ENO1: variants seen among roughly 807,000 people sequenced by gnomAD.
The protein encoded by ENO1 is alpha-enolase.
A neutral mutation model predicts 46.3 loss-of-function variants in ENO1; 33 were observed. That is an observed-to-expected ratio of 0.71 (90% CI 0.54 to 0.95). The LOEUF (loss-of-function observed/expected upper bound fraction) is 0.95, where lower values mean the gene tolerates loss of function less well. ENO1 is among the 40% of genes least tolerant of loss of function. The pLI is 0.00. For missense variants in ENO1, 488 were observed against 553.3 expected, an observed-to-expected ratio of 0.88 and a Z score of 1.18; for synonymous variants, 220 against 216.0, an observed-to-expected ratio of 1.02 and a Z score of -0.16.
intron 4 of ENO1, among the ~76,000 whole-genome samples, chr1:8,869,732 G>C (rs1420430426): frequency 6.6e-6 from 1 of 152,108 alleles, no homozygotes; most frequent in Admixed American, 6.6e-5. Context: ...GCCAATTTTT[G>C]TACTTTTAGT....
chr1:8,867,093 G>A, intron 6 of ENO1, 24 bp downstream of exon 6: 1 of 1,606,902 alleles, frequency 6.2e-7, no homozygotes, highest in Non-Finnish European at 8.5e-7. Context: ...CTCCTTGCTT[G>A]GGAAGTTCCA....
At chr1:8,870,253 T>C in intron 4 of ENO1, 199 bp downstream of exon 4, 1 of 609,644 alleles carries the variant, frequency 1.6e-6, no homozygotes, top group Non-Finnish European at 2.8e-6. Flanking sequence ...CTGATGCAAT[T>C]CCATCTGCTC....
intron 2 of ENO1, among the ~76,000 whole-genome samples, chr1:8,872,391 T>TA (rs925516420): frequency 6.6e-6 from 1 of 151,148 alleles, no homozygotes; most frequent in African/African-American, 2.4e-5. Flanking sequence ...CTGGTACTTT[T>TA]TTTTTCTTTT....
At position 8,871,289 on chromosome 1, in the gene ENO1, C is replaced by T. The variant is rs116393409; in HGVS notation, c.181+602G>A. ...CCCCACTGAGAATGCGTGATCTAGC[C>T]CTATGTGCTTTTCTGTAATTTGGCC... is the stretch of plus-strand genomic sequence containing the variant. On this transcript the variant is annotated intron_variant, in intron 3 of 11. Coordinates refer to ENST00000234590, the MANE Select transcript of ENO1 (RefSeq NM_001428.5). 1.9e-4 allele frequency: 190 copies of T among 999,258 alleles called. No individual in the cohort carries two copies. In the African/African-American group the frequency reaches 3.1e-3, roughly 17 times the overall value. The allele number at this position is 999,258 out of a possible 1,614,324, so 61.9% of individuals were successfully genotyped here. A position where few individuals can be genotyped will look rare whatever the true frequency, so the allele number is the denominator to read the frequency against.
chr1:8,873,393 T>C (rs543731776), intron 2 of ENO1, among the ~76,000 whole-genome samples: 1 of 152,364 alleles, frequency 6.6e-6, no homozygotes, highest in African/African-American at 2.4e-5. Context: ...TTTCATGTTT[T>C]TTGAAAAGGA....
At chr1:8,863,023 A>G (rs1642437420) in intron 10 of ENO1, 78 bp from the exon 11 acceptor site, 1 of 1,561,032 alleles carries the variant, frequency 6.4e-7, no homozygotes, top group Middle Eastern at 1.7e-4. Flanking sequence ...GTGTGGTGTC[A>G]GAGAGAGAAT....
chr1:8,863,112 C>T, intron 10 of ENO1, 123 bp downstream of exon 10: 1 of 1,369,120 alleles, frequency 7.3e-7, no homozygotes, highest in Non-Finnish European at 1.0e-6. Flanking sequence ...TGTTCAGCCT[C>T]AGAAACAAGA....
intron 1 of ENO1, among the ~76,000 whole-genome samples, chr1:8,875,398 C>T (rs558703202): frequency 6.6e-6 from 1 of 151,908 alleles, no homozygotes; most frequent in Non-Finnish European, 1.5e-5. Flanking sequence ...TTGCTCGACG[C>T]AGAGTGGCCC....
At chr1:8,872,873 G>C (rs115579221) in intron 2 of ENO1, among the ~76,000 whole-genome samples, 1 of 152,184 alleles carries the variant, frequency 6.6e-6, no homozygotes, top group East Asian at 1.9e-4. Flanking sequence ...TTTAATAAAT[G>C]TAAGAACTGA....
chr1:8,869,661 G>A (rs992437130), intron 4 of ENO1, among the ~76,000 whole-genome samples: 1 of 152,190 alleles, frequency 6.6e-6, no homozygotes, highest in Admixed American at 6.5e-5. Flanking sequence ...CCAGCTTCAA[G>A]CGATTCTCAT....
At position 8,863,045 on chromosome 1, in the gene ENO1, C is replaced by G. The variant is rs1321890003; in HGVS notation, c.1177-100G>C. The G allele has an allele frequency of 5.4e-6, 8 of 1,485,922 alleles. No homozygotes were observed. The African/African-American group carries it at 9.7e-5, about 18-fold the overall frequency. The allele number at this position is 1,485,922 out of a possible 1,614,324, so 92.0% of individuals were successfully genotyped here. On this transcript the variant is annotated intron_variant, in intron 10 of 11. Transcript: ENST00000234590. ...GTCAGAGAGAGAATTTCTAGAGGAT[C>G]TGATGCTAGGAAAGTGGGGGCCACA...
At position 8,863,242 on chromosome 1, in the gene ENO1, G is replaced by C. The variant is rs1642441451; in HGVS notation, c.1169C>G (p.Thr390Ser). The part of the protein sequence containing the change: ...FIADLVVGLC[T>S]GQIKTGAPCR... ...GGAGACGCTCATTCTTACCTGCCCA[G>C]TGCACAGCCCCACAACCAGGTCAGC... is the stretch of plus-strand genomic sequence containing the variant. The change falls in exon 10 of 12, where the codon ACT becomes AGT. Residue 390 changes from threonine to serine, a missense_variant. By Grantham distance (58) the Thr-to-Ser change is moderately conservative. Coordinates refer to ENST00000234590, the MANE Select transcript of ENO1 (RefSeq NM_001428.5). The C allele has an allele frequency of 6.2e-7, 1 of 1,614,016 alleles. No individual in the cohort carries two copies. The highest frequency in any genetic ancestry group is 8.5e-7 in the Non-Finnish European group (1 of 1,180,026).
intron 3 of ENO1, chr1:8,871,090 C>A (rs2274971): frequency 3.3e-6 from 4 of 1,214,692 alleles, no homozygotes; most frequent in African/African-American, 3.1e-5. Context: ...TAAGTCCCCA[C>A]GTACGCCATT....
In ENO1 at chr1:8,865,281, T is replaced by C. The variant is rs879101115; in HGVS notation, c.865+4A>G. 10 of 1,613,494 alleles carry C rather than the reference T, an allele frequency of 6.2e-6. No individual in the cohort carries two copies. Among genetic ancestry groups the C allele is most frequent in the African/African-American group, 1.3e-5 (1 of 74,898 alleles). On this transcript the variant is annotated splice_donor_region_variant and intron_variant, in intron 8 of 11. Coordinates refer to ENST00000234590, the MANE Select transcript of ENO1 (RefSeq NM_001428.5). ...AAGGGAGATGGCACTCGGGGAACACTCACCTGGGTAGTCCTTGATGAAGGA... is the reference window on the plus strand; with the variant it reads ...AAGGGAGATGGCACTCGGGGAACACCCACCTGGGTAGTCCTTGATGAAGGA...
At chr1:8,871,214 T>G in intron 3 of ENO1, 2 of 1,046,500 alleles carry the variant, frequency 1.9e-6, no homozygotes, top group Non-Finnish European at 2.3e-6. Flanking sequence ...TTTCACAACC[T>G]GATTTCATCA....
At position 8,878,672 on chromosome 1, in the gene ENO1, G is replaced by A. The variant is rs1408126975; in HGVS notation, c.-102C>T. 8.8e-6 allele frequency: 4 copies of A among 455,936 alleles called. No individual in the cohort carries two copies. Among genetic ancestry groups the A allele is most frequent in the South Asian group, 3.1e-5 (2 of 64,570 alleles). The allele number at this position is 455,936 out of a possible 1,614,324, so 28.2% of individuals were successfully genotyped here. A position where few individuals can be genotyped will look rare whatever the true frequency, so the allele number is the denominator to read the frequency against. ...AGCCGGCGAGATCTCCGTGCTCCGG[G>A]TACCCACAGATACTGTCCGCGCCGC... On this transcript the variant is annotated 5_prime_UTR_variant, in exon 1 of 12. Coordinates refer to ENST00000234590, the MANE Select transcript of ENO1 (RefSeq NM_001428.5).
chr1:8,866,600 G>A (rs764363893), intron 6 of ENO1, 99 bp from the exon 7 acceptor site: 50 of 1,316,140 alleles, frequency 3.8e-5, no homozygotes, highest in Middle Eastern at 3.8e-4. Context: ...GCTCACAGAT[G>A]AGCCCAAGAC....
intron 9 of ENO1, 121 bp from the exon 10 acceptor site, chr1:8,863,464 T>A: frequency 1.0e-6 from 1 of 957,872 alleles, no homozygotes. Flanking sequence ...GCTAAAGCCC[T>A]CCATGCCTGG....
intron 6 of ENO1, 70 bp downstream of exon 6, chr1:8,867,047 G>A (rs1642532857): frequency 1.3e-6 from 2 of 1,578,030 alleles, no homozygotes; most frequent in East Asian, 2.3e-5. Context: ...AGGCATAGGA[G>A]GTCTCGGGTC....
Sources: gnomAD v4.1 joint callset for allele counts (sites outside exome capture counted in the v4.1 genomes callset) on GRCh38, gnomAD v4.1.1 for gene constraint, MANE v1.5 for transcripts, NCBI Gene and HGNC (gene_info 2026-07-23, HGNC 2026-07-21) for gene names.